Variants in KIAA0825 observed in about 807,000 individuals in gnomAD.
KIAA0825 encodes the protein KIAA0825.
In KIAA0825, 119 loss-of-function variants were observed where a neutral mutation model predicts 147.6. The ratio of observed to expected loss-of-function variants is 0.81; its 90% CI spans 0.69 to 0.94. The LOEUF (loss-of-function observed/expected upper bound fraction) is 0.94. KIAA0825 is among the 40% of genes least tolerant of loss of function. The pLI, the probability that KIAA0825 is intolerant of heterozygous loss-of-function variation, is 0.00. For missense variants in KIAA0825, 1,381 were observed against 1,472.7 expected, an observed-to-expected ratio of 0.94 and a Z score of 1.02; for synonymous variants, 470 against 518.1, an observed-to-expected ratio of 0.91 and a Z score of 1.26.
chr5:94,339,604 A>T (rs1214429906), intron 20 of KIAA0825, among the ~76,000 whole-genome samples: 4 of 152,186 alleles, frequency 2.6e-5, no homozygotes, highest in Non-Finnish European at 4.4e-5. Flanking sequence ...ACCAAGCCTG[A>T]TGTCTCACCA....
Position 94,396,456 on chromosome 5 carries a change from TA to T in KIAA0825, c.2940del (p.Thr981ArgfsTer2), listed in dbSNP as rs1418090345. On this transcript the variant is annotated frameshift_variant, in exon 17 of 21. Coordinates refer to ENST00000682413, the MANE Select transcript of KIAA0825 (RefSeq NM_001145678.3). LOFTEE classifies it high-confidence loss of function. ...QAVSIVISKLPTVIACLPPPV... is the reference protein window; with the variant it reads ...QAVSIVISKLXTVIACLPPPV... ...GGGGGAGGCAAACATGCAATCACCGTAGGTAACTTGCTGATTACAATAGATA... is the reference window on the plus strand; with the variant it reads ...GGGGGAGGCAAACATGCAATCACCGTGGTAACTTGCTGATTACAATAGATA... The T allele has an allele frequency of 6.5e-7, 1 of 1,536,726 alleles. No homozygotes were observed. The highest frequency in any genetic ancestry group is 1.4e-5 in the African/African-American group (1 of 72,558).
intron 20 of KIAA0825, among the ~76,000 whole-genome samples, chr5:94,243,598 A>T (rs866093533): frequency 6.6e-6 from 1 of 152,290 alleles, no homozygotes; most frequent in East Asian, 1.9e-4. Context: ...TGTGGTGAAA[A>T]AGGACTAGTT....
intron 14 of KIAA0825, among the ~76,000 whole-genome samples, chr5:94,418,493 G>A (rs1382643168): frequency 8.3e-6 from 1 of 119,830 alleles, no homozygotes; most frequent in Admixed American, 1.1e-4. Context: ...CCCACACTTC[G>A]ATTATTTGGT....
rs148534788 is a variant in KIAA0825 at position 94,475,591 on chromosome 5, T to A, written c.1227+1520A>T. 5.1e-3 allele frequency among the ~76,000 whole-genome samples: 777 copies of A among 152,284 alleles called. 7 individuals are homozygous for A. Among genetic ancestry groups the A allele is most frequent in the Middle Eastern group, 0.037 (11 of 294 alleles). On this transcript the variant is annotated intron_variant, in intron 7 of 20. Coordinates refer to ENST00000682413, the MANE Select transcript of KIAA0825 (RefSeq NM_001145678.3). ...GGGAGGCCGAGGCAGGCGGATCACC[T>A]GAGGTCAGGAGTTCGAGACCAGCCT...
chr5:94,155,098 C>G (rs1199934944), intron 20 of KIAA0825, among the ~76,000 whole-genome samples: 1 of 152,120 alleles, frequency 6.6e-6, no homozygotes, highest in East Asian at 1.9e-4. Flanking sequence ...ACCAGAACCC[C>G]TCATTGTGTT....
intron 20 of KIAA0825, among the ~76,000 whole-genome samples, chr5:94,244,737 A>G (rs970578194): frequency 6.6e-6 from 1 of 152,198 alleles, no homozygotes; most frequent in Non-Finnish European, 1.5e-5. Context: ...GATAAATAAC[A>G]TAAAGTACTT....
chr5:94,262,792 G>C (rs981996537), intron 20 of KIAA0825, among the ~76,000 whole-genome samples: 9 of 152,118 alleles, frequency 5.9e-5, no homozygotes, highest in Admixed American at 3.9e-4. Flanking sequence ...TGGTGATGAA[G>C]GGCTTTCTAA....
intron 1 of KIAA0825, chr5:94,592,683 GA>G: frequency 3.6e-6 from 1 of 275,848 alleles, no homozygotes; most frequent in East Asian, 9.7e-5. Context: ...ATACACGAAG[GA>G]AAAACAGTTC....
At chr5:94,416,370 T>A (rs574108949) in intron 15 of KIAA0825, 6 of 152,250 alleles carry the variant, frequency 3.9e-5, no homozygotes, top group Non-Finnish European at 7.4e-5. Flanking sequence ...ACTAGTTAGA[T>A]CTTTTATATG....
At position 94,370,168 on chromosome 5, in the gene KIAA0825, A is replaced by T. The variant is rs185524805; in HGVS notation, c.3710+14200T>A. Among the ~76,000 whole-genome samples the T allele has an allele frequency of 3.0e-3, 445 of 150,840 alleles. 2 individuals carry two copies. Among genetic ancestry groups the T allele is most frequent in the Non-Finnish European group, 4.7e-3 (315 of 67,616 alleles). On this transcript the variant is annotated intron_variant, in intron 20 of 20. Transcript: ENST00000682413. ...GAACTACTATTATACAAAAAAAATA[A>T]AAAAAAAAGGACAAACAAACGGAGG...
intron 5 of KIAA0825, among the ~76,000 whole-genome samples, chr5:94,504,424 T>G (rs567323667): frequency 6.6e-6 from 1 of 152,194 alleles, no homozygotes; most frequent in African/African-American, 2.4e-5. Flanking sequence ...CTTAAATGCT[T>G]GGAACTCCCT....
In KIAA0825 at chr5:94,581,201, T is replaced by TAGAG. The variant is rs1192100489; in HGVS notation, c.-2+1228_-2+1231dup. 2.0e-5 allele frequency among the ~76,000 whole-genome samples: 3 copies of TAGAG among 152,188 alleles called. No homozygotes were observed. In the South Asian group the frequency reaches 6.2e-4, roughly 31 times the overall value. On this transcript the variant is annotated intron_variant, in intron 2 of 20. Transcript: ENST00000682413. Reference sequence around the variant, plus strand: ...ACCAACAAGATCAAATCATTAGGATTAGAGGTACAAGAGGAATAAAATTTG... The same window carrying TAGAG: ...ACCAACAAGATCAAATCATTAGGATTAGAGAGAGGTACAAGAGGAATAAAATTTG...
In KIAA0825 at chr5:94,568,033, C is replaced by T. The variant is rs1436976901; in HGVS notation, c.-2+14400G>A. On this transcript the variant is annotated intron_variant, in intron 2 of 20. Coordinates refer to ENST00000682413, the MANE Select transcript of KIAA0825 (RefSeq NM_001145678.3). ...TTACACAAAATGACATCAAAAAAAT[C>T]GTAGCCTTCTCTACTTCAAGCCAAT... 12 of 164,058 alleles carry T rather than the reference C, an allele frequency of 7.3e-5. No homozygotes were observed. The South Asian group carries it at 1.1e-3, about 15-fold the overall frequency. 10.2% of individuals were successfully genotyped at this position (164,058 alleles called of 1,614,324 possible). A position where few individuals can be genotyped will look rare whatever the true frequency, so the allele number is the denominator to read the frequency against.
At chr5:94,176,745 A>G (rs1476087312) in intron 20 of KIAA0825, among the ~76,000 whole-genome samples, 2 of 152,184 alleles carry the variant, frequency 1.3e-5, no homozygotes, top group Non-Finnish European at 1.5e-5. Context: ...ACCCAATGGA[A>G]TAAACACTTG....
intron 20 of KIAA0825, among the ~76,000 whole-genome samples, chr5:94,376,729 G>A (rs1349860234): frequency 6.6e-6 from 1 of 152,166 alleles, no homozygotes. Flanking sequence ...TGAGTCTGAG[G>A]TCTTTTGGTG....
At chr5:94,464,184 A>T (rs1052512846) in intron 11 of KIAA0825, among the ~76,000 whole-genome samples, 3 of 152,094 alleles carry the variant, frequency 2.0e-5, no homozygotes, top group African/African-American at 7.2e-5. Flanking sequence ...TATTTACAAA[A>T]CAAAAGGCTT....
intron 5 of KIAA0825, among the ~76,000 whole-genome samples, chr5:94,499,707 T>C: frequency 6.6e-6 from 1 of 152,048 alleles, no homozygotes; most frequent in East Asian, 1.9e-4. Flanking sequence ...CCAATACAGA[T>C]TATTAAACTT....
intron 20 of KIAA0825, among the ~76,000 whole-genome samples, chr5:94,329,619 CAAAAT>C (rs1222667720): frequency 6.6e-6 from 1 of 151,622 alleles, no homozygotes. Flanking sequence ...GAACACTAGA[CAAAAT>C]AAAAAACAAA....
chr5:94,561,812 A>G (rs569669502), intron 2 of KIAA0825, among the ~76,000 whole-genome samples: 1 of 152,314 alleles, frequency 6.6e-6, no homozygotes, highest in East Asian at 1.9e-4. Context: ...CCTTCTAGTC[A>G]TAACTTCCTC....
Sources: allele counts gnomAD v4.1 joint callset (sites outside exome capture counted in the v4.1 genomes callset), GRCh38; gene constraint gnomAD v4.1.1; transcripts MANE v1.5; gene names NCBI Gene and HGNC (gene_info 2026-07-23, HGNC 2026-07-21).